PCSK2: variants seen among roughly 807,000 people sequenced by gnomAD.
The protein encoded by PCSK2 is proprotein convertase subtilisin/kexin type 2, also known as neuroendocrine convertase 2.
In PCSK2, 14 loss-of-function variants were observed where a neutral mutation model predicts 69.7. The observed-to-expected ratio is 0.20, with a 90% CI of 0.13 to 0.31. PCSK2 has a LOEUF of 0.31. Among genes scored for constraint, PCSK2 ranks in the 10% least tolerant of loss-of-function variants. The probability of loss-of-function intolerance (pLI) is 1.00; values close to 1 mark genes in which losing one functional copy is unlikely to be tolerated. For missense variants in PCSK2, 544 were observed against 842.5 expected, an observed-to-expected ratio of 0.65 and a Z score of 4.39; for synonymous variants, 307 against 320.7, an observed-to-expected ratio of 0.96 and a Z score of 0.46.
At chr20:17,463,265 C>G (rs1009906540) in intron 10 of PCSK2, among the ~76,000 whole-genome samples, 2 of 152,186 alleles carry the variant, frequency 1.3e-5, no homozygotes, top group Non-Finnish European at 2.9e-5. Flanking sequence ...AACCTGCTAG[C>G]CAGCCCTCTG....
chr20:17,341,995 T>G (rs942872645), intron 2 of PCSK2, among the ~76,000 whole-genome samples: 10 of 152,210 alleles, frequency 6.6e-5, no homozygotes, highest in African/African-American at 2.4e-4. Flanking sequence ...AAACTGTAAG[T>G]TTAGCCTGGC....
intron 5 of PCSK2, among the ~76,000 whole-genome samples, chr20:17,382,147 A>G (rs2031105464): frequency 6.6e-6 from 1 of 152,144 alleles, no homozygotes; most frequent in Non-Finnish European, 1.5e-5. Flanking sequence ...CTAACGAAGT[A>G]TGAGAACCAT....
At chr20:17,242,738 T>C (rs1420284195) in intron 1 of PCSK2, among the ~76,000 whole-genome samples, 1 of 152,200 alleles carries the variant, frequency 6.6e-6, no homozygotes, top group African/African-American at 2.4e-5. Flanking sequence ...ACAGGCCTTG[T>C]GCTATTGAGA....
In PCSK2 at chr20:17,243,527, G is replaced by A. The variant is rs370512764; in HGVS notation, c.177+16045G>A. Among the ~76,000 whole-genome samples the A allele has an allele frequency of 4.3e-4, 65 of 152,300 alleles. 1 individual carries two copies. The highest frequency in any genetic ancestry group is 1.4e-3 in the African/African-American group (59 of 41,570). On this transcript the variant is annotated intron_variant, in intron 1 of 11. Coordinates refer to ENST00000262545, the MANE Select transcript of PCSK2 (RefSeq NM_002594.5). ...ATAATTATAGCAATAGGAGTCCACC[G>A]AAGTAAGTTGTGTTTTTTTAGTTAT...
At position 17,479,108 on chromosome 20, in the gene PCSK2, C is replaced by T. The variant is rs1005118980; in HGVS notation, c.1431-2476C>T. The T allele has an allele frequency of 2.3e-5, 31 of 1,338,906 alleles. 1 individual carries two copies. The Middle Eastern group carries it at 7.7e-4, about 33-fold the overall frequency. 82.9% of individuals were successfully genotyped at this position (1,338,906 alleles called of 1,614,324 possible). On this transcript the variant is annotated intron_variant, in intron 11 of 11. Coordinates refer to ENST00000262545, the MANE Select transcript of PCSK2 (RefSeq NM_002594.5). ...AGTTAAAGAACAGCAATGGCAAAAA[C>T]ATTGACAATACAGTTCATGGTCCAG... is the stretch of plus-strand genomic sequence containing the variant.
chr20:17,440,121 C>T (rs186743843), intron 8 of PCSK2, among the ~76,000 whole-genome samples: 10 of 152,202 alleles, frequency 6.6e-5, no homozygotes, highest in Admixed American at 2.0e-4. Context: ...GTCCTGCCCC[C>T]CATTGGCTGG....
At chr20:17,373,514 T>C (rs2030835727) in intron 5 of PCSK2, among the ~76,000 whole-genome samples, 1 of 152,192 alleles carries the variant, frequency 6.6e-6, no homozygotes, top group Non-Finnish European at 1.5e-5. Context: ...AAGGGGGATG[T>C]AGCAACGTCT....
At chr20:17,443,261 C>T (rs1452921318) in intron 8 of PCSK2, among the ~76,000 whole-genome samples, 1 of 152,174 alleles carries the variant, frequency 6.6e-6, no homozygotes, top group Non-Finnish European at 1.5e-5. Flanking sequence ...TGAAATTCAA[C>T]CCATCTGAAA....
intron 2 of PCSK2, among the ~76,000 whole-genome samples, chr20:17,284,894 A>T (rs1030186584): frequency 6.6e-6 from 1 of 152,176 alleles, no homozygotes; most frequent in African/African-American, 2.4e-5. Context: ...CTATATTCTC[A>T]CTCTGATTTC....
intron 1 of PCSK2, among the ~76,000 whole-genome samples, chr20:17,246,398 T>C (rs1600406449): frequency 6.6e-6 from 1 of 152,098 alleles, no homozygotes; most frequent in Non-Finnish European, 1.5e-5. Context: ...GGATATTCAG[T>C]TGGAGGTTGA....
intron 8 of PCSK2, among the ~76,000 whole-genome samples, chr20:17,452,999 A>G (rs1265355321): frequency 6.6e-6 from 1 of 152,172 alleles, no homozygotes; most frequent in African/African-American, 2.4e-5. Flanking sequence ...GGTTTTATTC[A>G]CTGTGTGTTT....
chr20:17,446,300 G>A (rs747638003), intron 8 of PCSK2, among the ~76,000 whole-genome samples: 25 of 152,114 alleles, frequency 1.6e-4, no homozygotes, highest in African/African-American at 5.1e-4. Context: ...CAGAGGCCAG[G>A]GCAACTGCAT....
chr20:17,355,308 A>G (rs942014709), intron 2 of PCSK2, among the ~76,000 whole-genome samples: 2 of 152,176 alleles, frequency 1.3e-5, no homozygotes, highest in African/African-American at 2.4e-5. Flanking sequence ...AGAGTTTTCA[A>G]ACTTCCATGT....
intron 2 of PCSK2, among the ~76,000 whole-genome samples, chr20:17,264,956 C>T (rs1403726111): frequency 4.6e-5 from 7 of 152,006 alleles, no homozygotes; most frequent in African/African-American, 1.2e-4. Flanking sequence ...CTCTGCCTCC[C>T]GGGTTCAAGT....
chr20:17,342,302 G>T (rs752831661), intron 2 of PCSK2, among the ~76,000 whole-genome samples: 1 of 152,044 alleles, frequency 6.6e-6, no homozygotes, highest in African/African-American at 2.4e-5. Flanking sequence ...AATCTATAAC[G>T]CTCTTGTTTG....
intron 2 of PCSK2, among the ~76,000 whole-genome samples, chr20:17,340,016 C>T (rs6044745): frequency 6.6e-6 from 1 of 152,190 alleles, no homozygotes; most frequent in Non-Finnish European, 1.5e-5. Flanking sequence ...CCTCTCAGGC[C>T]TAAGTTTATA....
chr20:17,249,010 A>G (rs954111428), intron 1 of PCSK2, among the ~76,000 whole-genome samples: 17 of 152,120 alleles, frequency 1.1e-4, no homozygotes, highest in Admixed American at 8.5e-4. Context: ...AGGCAGCTAG[A>G]CCAAGCCAGG....
chr20:17,456,172 C>T (rs2032916911), intron 9 of PCSK2, among the ~76,000 whole-genome samples, 176 bp from the exon 10 acceptor site: 2 of 152,054 alleles, frequency 1.3e-5, no homozygotes, highest in South Asian at 2.1e-4. Flanking sequence ...ACCTGGGAGG[C>T]GGAGGTTGCC....
At chr20:17,346,474 C>G (rs1047239935) in intron 2 of PCSK2, among the ~76,000 whole-genome samples, 4 of 152,200 alleles carry the variant, frequency 2.6e-5, no homozygotes, top group African/African-American at 9.7e-5. Context: ...GGCCCTTTAG[C>G]CTGCCTGCAA....
Sources: gnomAD v4.1 joint callset for allele counts (sites outside exome capture counted in the v4.1 genomes callset) on GRCh38, gnomAD v4.1.1 for gene constraint, MANE v1.5 for transcripts, NCBI Gene and HGNC (gene_info 2026-07-23, HGNC 2026-07-21) for gene names.